The following NR2F2 variants were observed in gnomAD, a reference collection of about 807,000 sequenced individuals.
The protein encoded by NR2F2 is nuclear receptor subfamily 2 group F member 2, also known as COUP transcription factor 2.
A neutral mutation model predicts 34.8 loss-of-function variants in NR2F2; 2 were observed. That is an observed-to-expected ratio of 0.06 (90% CI 0.02 to 0.18). NR2F2 has a LOEUF of 0.18. Ranked by LOEUF, NR2F2 falls within the 10% of genes least tolerant of loss-of-function variation. The pLI, the probability that NR2F2 is intolerant of heterozygous loss-of-function variation, is 1.00. For missense variants in NR2F2, 300 were observed against 580.1 expected (o/e 0.52, Z 4.96); for synonymous variants, 274 against 251.8 (o/e 1.09, Z -0.84).
chr15:96,333,262 T>C, intron 1 of NR2F2: 1 of 868,024 alleles, frequency 1.2e-6, no homozygotes, highest in Non-Finnish European at 1.4e-6. Flanking sequence ...AATGGCGCGC[T>C]CGGCGCGGGG....
upstream of NR2F2, among the ~76,000 whole-genome samples, chr15:96,328,945 T>C (rs1288116231): frequency 1.3e-5 from 2 of 152,220 alleles, no homozygotes; most frequent in Non-Finnish European, 2.9e-5. Flanking sequence ...CCTCATATTC[T>C]GCCTATGTGT....
At position 96,337,746 on chromosome 15, in the gene NR2F2, A is replaced by T; in HGVS notation, c.*124A>T. ...TGTTACAAGTTTGCTAAAAGAAGAG[A>T]GGGGAAGAATTTAATGGACTGTGAA... On this transcript the variant is annotated 3_prime_UTR_variant, in exon 3 of 3. Transcript: ENST00000394166. The T allele has an allele frequency of 4.1e-6, 3 of 727,608 alleles. No homozygotes were observed. Among genetic ancestry groups the T allele is most frequent in the Non-Finnish European group, 3.9e-6 (2 of 510,544 alleles). The allele number at this position is 727,608 out of a possible 1,614,324, so 45.1% of individuals were successfully genotyped here.
Position 96,334,618 on chromosome 15 carries a change from T to C in NR2F2, c.970+15T>C, listed in dbSNP as rs1402065240. The C allele has an allele frequency of 6.4e-7, 1 of 1,570,506 alleles. No individual in the cohort carries two copies. The highest frequency in any genetic ancestry group is 2.3e-5 in the East Asian group (1 of 44,248). Reference sequence around the variant, plus strand: ...GTTCACCTCAGGTAGGAAGGAGCCCTGTCTTCTCGTGCCCACGGGCTCCTA... The same window carrying C: ...GTTCACCTCAGGTAGGAAGGAGCCCCGTCTTCTCGTGCCCACGGGCTCCTA... On this transcript the variant is annotated intron_variant, in intron 2 of 2. Transcript: ENST00000394166.
At chr15:96,329,502 T>C (rs76695729), upstream of NR2F2, among the ~76,000 whole-genome samples, 8,889 of 152,238 alleles carry the variant, frequency 0.058, 859 homozygotes, top group African/African-American at 0.2. Flanking sequence ...TGGGGCAGAA[T>C]CTCTGGGTGC....
At position 96,337,369 on chromosome 15, in the gene NR2F2, T is replaced by C; in HGVS notation, c.992T>C (p.Val331Ala). Residue 331 changes from valine to alanine, a missense_variant, in exon 3 of 3, where the codon GTA becomes GCA. Coordinates refer to ENST00000394166, the MANE Select transcript of NR2F2 (RefSeq NM_021005.4). Reference protein sequence around the residue: ...FTSDACGLSDVAHVESLQEKS... With the variant: ...FTSDACGLSDAAHVESLQEKS... ...CCAGATGCCTGTGGTCTCTCTGATGTAGCCCATGTGGAAAGCTTGCAGGAA... is the reference window on the plus strand; with the variant it reads ...CCAGATGCCTGTGGTCTCTCTGATGCAGCCCATGTGGAAAGCTTGCAGGAA... 1.9e-6 allele frequency: 3 copies of C among 1,614,118 alleles called. No homozygotes were observed. The highest frequency in any genetic ancestry group is 1.7e-6 in the Non-Finnish European group (2 of 1,180,006).
At position 96,338,286 on chromosome 15, in the gene NR2F2, G is replaced by A. The variant is rs572796998; in HGVS notation, c.*664G>A. On this transcript the variant is annotated 3_prime_UTR_variant, in exon 3 of 3. Transcript: ENST00000394166. ...AGTCGAGCACTCTAATTAGAGAACT[G>A]GAGGAACCACATATAACACTTAACT... 1 of 152,694 alleles carries A rather than the reference G, an allele frequency of 6.5e-6. No individual in the cohort carries two copies. The highest frequency in any genetic ancestry group is 1.9e-4 in the East Asian group (1 of 5,182). 9.5% of individuals were successfully genotyped at this position (152,694 alleles called of 1,614,324 possible). A position where few individuals can be genotyped will look rare whatever the true frequency, so the allele number is the denominator to read the frequency against.
chr15:96,327,065 C>T (rs1331797584), upstream of NR2F2: 2 of 152,050 alleles, frequency 1.3e-5, no homozygotes, highest in Non-Finnish European at 2.9e-5. Context: ...TGTGCTCTGT[C>T]CAGAACATTC....
Position 96,331,598 on chromosome 15 carries a change from C to CTCT in NR2F2, c.-506_-505insTTC. 8.2e-7 allele frequency: 1 copy of CTCT among 1,215,886 alleles called. No homozygotes were observed. Among genetic ancestry groups the CTCT allele is most frequent in the Non-Finnish European group, 1.0e-6 (1 of 975,862 alleles). 75.3% of individuals were successfully genotyped at this position (1,215,886 alleles called of 1,614,324 possible). On this transcript the variant is annotated 5_prime_UTR_variant, in exon 1 of 3. Coordinates refer to ENST00000394166, the MANE Select transcript of NR2F2 (RefSeq NM_021005.4). The stretch of plus-strand genomic sequence containing the variant: ...CTTCCTCCTCCTCCTCCTCCTCCTC[C>CTCT]TCCGCCAACTCCTCGGCTGCACACC...
At chr15:96,333,519 A>AT in intron 1 of NR2F2, 1 of 1,007,186 alleles carries the variant, frequency 9.9e-7, no homozygotes, top group African/African-American at 1.7e-5. Context: ...GAGCACACTG[A>AT]TTAGACAGAC....
At chr15:96,334,900 C>T (rs1239814481) in intron 2 of NR2F2, among the ~76,000 whole-genome samples, 1 of 152,268 alleles carries the variant, frequency 6.6e-6, no homozygotes, top group Non-Finnish European at 1.5e-5. Context: ...ATGCCCTCTC[C>T]TGCTCCCTTT....
At chr15:96,328,848 G>A (rs777445474), upstream of NR2F2, among the ~76,000 whole-genome samples, 4 of 151,350 alleles carry the variant, frequency 2.6e-5, no homozygotes, top group Non-Finnish European at 5.9e-5. Flanking sequence ...GAGAAAGAGT[G>A]AGGGCTGAGG....
intron 1 of NR2F2, chr15:96,333,837 A>T: frequency 7.1e-7 from 1 of 1,415,730 alleles, no homozygotes; most frequent in Non-Finnish European, 9.2e-7. Flanking sequence ...TCGGCGGACC[A>T]GCCCCGAGCG....
At chr15:96,332,769 T>C (rs1374620927) in intron 1 of NR2F2, 1 of 1,060,476 alleles carries the variant, frequency 9.4e-7, no homozygotes, top group African/African-American at 1.6e-5. Flanking sequence ...TTGGGCTGTT[T>C]CCATTTCCTT....
chr15:96,330,870 C>T lies in NR2F2; in HGVS notation c.-1236C>T, dbSNP rs977039653. 3 of 1,158,618 alleles carry T rather than the reference C, an allele frequency of 2.6e-6. No homozygotes were observed. The highest frequency in any genetic ancestry group is 2.1e-6 in the Non-Finnish European group (2 of 940,376). The allele number at this position is 1,158,618 out of a possible 1,614,324, so 71.8% of individuals were successfully genotyped here. ...CCTCCTCCTCTCCCCGAGTTGCCTC[C>T]TTTCTCCGGGTGCCGTACTGCCTTT... On this transcript the variant is annotated 5_prime_UTR_variant, in exon 1 of 3. Transcript: ENST00000394166.
intron 1 of NR2F2, chr15:96,333,252 A>G: frequency 1.3e-6 from 1 of 768,038 alleles, no homozygotes; most frequent in Non-Finnish European, 1.6e-6. Context: ...GTGCTTTGCC[A>G]ATGGCGCGCT....
chr15:96,333,552 G>A (rs1899221213), intron 1 of NR2F2: 1 of 1,011,260 alleles, frequency 9.9e-7, no homozygotes, highest in African/African-American at 1.7e-5. Context: ...CTCTCTGCTT[G>A]TCTCTCACTG....
intron 1 of NR2F2, chr15:96,333,116 T>C (rs1899201552): frequency 5.9e-6 from 1 of 169,222 alleles, no homozygotes; most frequent in African/African-American, 2.4e-5. Context: ...TTTTTTCCTT[T>C]CACTTTTTGA....
At position 96,332,247 on chromosome 15, in the gene NR2F2, C is replaced by T. The variant is rs1354252480; in HGVS notation, c.142C>T (p.Pro48Ser). The change falls in exon 1 of 3, where the codon CCA becomes TCA. Residue 48 changes from proline (P) to serine (S), a missense_variant. By Grantham distance (74) the Pro-to-Ser change is moderately conservative (BLOSUM62 -1). Coordinates refer to ENST00000394166, the MANE Select transcript of NR2F2 (RefSeq NM_021005.4). ...HTPQTPGQGG[P>S]ASTPAQTAAG... ...GCCACAGACGCCCGGCCAAGGGGGCCCAGCCAGCACGCCAGCCCAGACGGC... is the reference window on the plus strand; with the variant it reads ...GCCACAGACGCCCGGCCAAGGGGGCTCAGCCAGCACGCCAGCCCAGACGGC... 6.5e-7 allele frequency: 1 copy of T among 1,540,998 alleles called. No homozygotes were observed. Among genetic ancestry groups the T allele is most frequent in the South Asian group, 1.2e-5 (1 of 83,880 alleles).
rs985560481 is a variant in NR2F2 at position 96,331,371 on chromosome 15, G to T, written c.-735G>T. ...ATGCTGATTCCCCCGGACCCGGGCAGCGCTCCGGCCACTCCGCGGGCCGCC... is the reference window on the plus strand; with the variant it reads ...ATGCTGATTCCCCCGGACCCGGGCATCGCTCCGGCCACTCCGCGGGCCGCC... On this transcript the variant is annotated 5_prime_UTR_variant, in exon 1 of 3. Coordinates refer to ENST00000394166, the MANE Select transcript of NR2F2 (RefSeq NM_021005.4). The T allele has an allele frequency of 1.6e-6, 2 of 1,221,046 alleles. No individual in the cohort carries two copies. Among genetic ancestry groups the T allele is most frequent in the African/African-American group, 3.1e-5 (2 of 63,848 alleles). 75.6% of individuals were successfully genotyped at this position (1,221,046 alleles called of 1,614,324 possible).
Sources: allele counts gnomAD v4.1 joint callset (sites outside exome capture counted in the v4.1 genomes callset), GRCh38; gene constraint gnomAD v4.1.1; transcripts MANE v1.5; gene names NCBI Gene and HGNC (gene_info 2026-07-23, HGNC 2026-07-21).